Variants in ANK3 observed in about 807,000 individuals in gnomAD.
ANK3 encodes the protein ankyrin-3.
A neutral mutation model predicts 370.9 loss-of-function variants in ANK3; 57 were observed. That is an observed-to-expected ratio of 0.15 (90% CI 0.12 to 0.19). ANK3 has a LOEUF of 0.19. Among genes scored for constraint, ANK3 ranks in the 10% least tolerant of loss-of-function variants. ANK3 has a pLI of 1.00. For synonymous variants in ANK3, 1,929 were observed against 1,946.3 expected (o/e 0.99, Z 0.23); for missense variants, 4,439 against 5,302.1 (o/e 0.84, Z 5.06).
At chr10:60,245,365 T>G (rs1425352628) in intron 7 of ANK3, among the ~76,000 whole-genome samples, 8 of 147,778 alleles carry the variant, frequency 5.4e-5, no homozygotes, top group Admixed American at 2.7e-4. Flanking sequence ...ACATATAATT[T>G]TCATCATTTT....
intron 8 of ANK3, among the ~76,000 whole-genome samples, chr10:60,220,388 A>G (rs2097026720): frequency 6.6e-6 from 1 of 152,238 alleles, no homozygotes; most frequent in Admixed American, 6.5e-5. Context: ...ACTTCAGGTC[A>G]TGATGGGTAA....
chr10:60,619,600 G>A (rs1172186762), intron 1 of ANK3, among the ~76,000 whole-genome samples: 1 of 152,152 alleles, frequency 6.6e-6, no homozygotes, highest in African/African-American at 2.4e-5. Flanking sequence ...ACAATCATGT[G>A]CCTAGGGCTC....
At chr10:60,538,369 C>T (rs181741148) in intron 2 of ANK3, among the ~76,000 whole-genome samples, 40 of 151,994 alleles carry the variant, frequency 2.6e-4, no homozygotes, top group African/African-American at 7.0e-4. Flanking sequence ...CTCCCAGTTA[C>T]CTGTTTGTCA....
intron 7 of ANK3, among the ~76,000 whole-genome samples, chr10:60,256,688 A>G (rs1007969394): frequency 6.6e-6 from 1 of 152,162 alleles, no homozygotes; most frequent in Non-Finnish European, 1.5e-5. Flanking sequence ...AGTACCCCAC[A>G]TTTAGCTCCC....
At chr10:60,202,040 G>A (rs975630581) in intron 12 of ANK3, among the ~76,000 whole-genome samples, 1 of 150,510 alleles carries the variant, frequency 6.6e-6, no homozygotes, top group African/African-American at 2.4e-5. Flanking sequence ...TATAAACGAC[G>A]ATAGTATCTA....
intron 1 of ANK3, among the ~76,000 whole-genome samples, chr10:60,707,854 A>G (rs1160447216): frequency 2.0e-5 from 3 of 152,122 alleles, no homozygotes; most frequent in Non-Finnish European, 4.4e-5. Context: ...CCACGAAAAA[A>G]TTAGGCTCAC....
chr10:60,364,996 T>C (rs1261157615), intron 1 of ANK3, among the ~76,000 whole-genome samples: 3 of 151,134 alleles, frequency 2.0e-5, no homozygotes, highest in Non-Finnish European at 4.4e-5. Flanking sequence ...ATTTGTGTAA[T>C]ACATTTCAAG....
chr10:60,240,141 TAC>T (rs1319417832), intron 7 of ANK3, among the ~76,000 whole-genome samples: 4 of 124,316 alleles, frequency 3.2e-5, no homozygotes, highest in Admixed American at 8.5e-5. Flanking sequence ...TACATATATA[TAC>T]ACATATATAT....
At chr10:60,507,962 C>T (rs2133156876) in intron 2 of ANK3, 1 of 152,124 alleles carries the variant, frequency 6.6e-6, no homozygotes, top group Non-Finnish European at 1.5e-5. Context: ...ATACAGTCTT[C>T]AAATATTTAA....
chr10:60,378,835 G>A (rs1165048435), intron 1 of ANK3, among the ~76,000 whole-genome samples: 1 of 150,972 alleles, frequency 6.6e-6, no homozygotes, highest in Non-Finnish European at 1.5e-5. Flanking sequence ...GGCAAAAGAA[G>A]CAAAAAGAAA....
At chr10:60,395,497 A>G (rs1731974655) in intron 2 of ANK3, among the ~76,000 whole-genome samples, 1 of 152,176 alleles carries the variant, frequency 6.6e-6, no homozygotes, top group Non-Finnish European at 1.5e-5. Flanking sequence ...GTCTTCCTGA[A>G]GGCAGGTGTT....
chr10:60,096,868 T>C (rs951420791), intron 28 of ANK3, among the ~76,000 whole-genome samples: 2 of 152,238 alleles, frequency 1.3e-5, no homozygotes, highest in East Asian at 1.9e-4. Flanking sequence ...CATAAGTTGC[T>C]GTAAAGTAAA....
At chr10:60,333,609 T>C (rs2052003302) in intron 1 of ANK3, among the ~76,000 whole-genome samples, 1 of 152,222 alleles carries the variant, frequency 6.6e-6, no homozygotes, top group South Asian at 2.1e-4. Flanking sequence ...GCAATAAACA[T>C]ATGTGTGCAT....
intron 2 of ANK3, among the ~76,000 whole-genome samples, chr10:60,448,644 T>C (rs114335775): frequency 1.5e-3 from 231 of 152,348 alleles, no homozygotes; most frequent in Middle Eastern, 6.8e-3. Context: ...CTCATCAGTT[T>C]AGAGCGACTC....
intron 1 of ANK3, among the ~76,000 whole-genome samples, chr10:60,311,516 T>C (rs2046359208): frequency 6.7e-6 from 1 of 148,984 alleles, no homozygotes; most frequent in South Asian, 2.1e-4. Context: ...GGGAGAATAG[T>C]CCTAGTTCCT....
At chr10:60,427,023 C>A (rs1371761421) in intron 2 of ANK3, among the ~76,000 whole-genome samples, 1 of 152,088 alleles carries the variant, frequency 6.6e-6, no homozygotes, top group Non-Finnish European at 1.5e-5. Context: ...CCTGCTCTGA[C>A]AATTCTATGC....
chr10:60,724,977 T>C (rs1487401279), intron 1 of ANK3, among the ~76,000 whole-genome samples: 2 of 152,222 alleles, frequency 1.3e-5, no homozygotes, highest in Non-Finnish European at 2.9e-5. Flanking sequence ...CATTATTTTC[T>C]TTCTTTATTC....
chr10:60,064,028 A>T lies in ANK3; in HGVS notation c.12451+129T>A, dbSNP rs551962883. ...TCAAAAGACTTGCTATTACCTCATG[A>T]TCACTTAGTTTTCTATATTAAAGAT... On this transcript the variant is annotated intron_variant, in intron 39 of 43. Transcript: ENST00000280772. 220 of 843,158 alleles carry T rather than the reference A, an allele frequency of 2.6e-4. 1 individual carries two copies. The African/African-American group carries it at 3.7e-3, about 14-fold the overall frequency. The allele number at this position is 843,158 out of a possible 1,614,324, so 52.2% of individuals were successfully genotyped here. A position where few individuals can be genotyped will look rare whatever the true frequency, so the allele number is the denominator to read the frequency against.
At chr10:60,151,337 G>A (rs1257872726) in intron 23 of ANK3, among the ~76,000 whole-genome samples, 6 of 152,178 alleles carry the variant, frequency 3.9e-5, no homozygotes, top group African/African-American at 1.4e-4. Flanking sequence ...AATGGCTTGT[G>A]CCATCCCCTC....
Sources: allele counts gnomAD v4.1 joint callset (sites outside exome capture counted in the v4.1 genomes callset), GRCh38; gene constraint gnomAD v4.1.1; transcripts MANE v1.5; gene names NCBI Gene and HGNC (gene_info 2026-07-23, HGNC 2026-07-21).